The following BLOC1S5 variants were observed in gnomAD, a reference collection of about 807,000 sequenced individuals.
BLOC1S5 encodes the protein biogenesis of lysosomal organelles complex 1 subunit 5.
BLOC1S5 carries 27 observed loss-of-function variants against 24.3 expected under a neutral mutation model. The ratio of observed to expected loss-of-function variants is 1.11; its 90% CI spans 0.82 to 1.53. The LOEUF (loss-of-function observed/expected upper bound fraction) is 1.53. Ranked by LOEUF, BLOC1S5 falls within the 40% of genes most tolerant of loss-of-function variation. BLOC1S5 has a pLI of 0.00. For synonymous variants in BLOC1S5, 84 were observed against 74.5 expected, an observed-to-expected ratio of 1.13 and a Z score of -0.66; for missense variants, 239 against 229.4, an observed-to-expected ratio of 1.04 and a Z score of -0.27.
At chr6:8,044,300 A>AC (rs1313283045) in intron 2 of BLOC1S5, among the ~76,000 whole-genome samples, 1 of 151,266 alleles carries the variant, frequency 6.6e-6, no homozygotes, top group African/African-American at 2.4e-5. Context: ...AAAAAAAAAA[A>AC]AAAAGAAGGA....
Position 8,024,310 on chromosome 6 carries a change from G to A in BLOC1S5, c.384+2057C>T, listed in dbSNP as rs538579527. 2.5e-4 allele frequency among the ~76,000 whole-genome samples: 38 copies of A among 151,922 alleles called. 1 individual carries two copies. Among genetic ancestry groups the A allele is most frequent in the African/African-American group, 8.9e-4 (37 of 41,500 alleles). ...GGAGGCCGAGGCGGGTGGATCATCC[G>A]AGGTCAGGAGTTCGAGACCAGCCTG... On this transcript the variant is annotated intron_variant, in intron 4 of 4. Transcript: ENST00000397457.
Position 8,015,392 on chromosome 6 carries a change from G to C in BLOC1S5, c.*257C>G. 2 of 399,024 alleles carry C rather than the reference G, an allele frequency of 5.0e-6. No homozygotes were observed. The highest frequency in any genetic ancestry group is 1.1e-4 in the South Asian group (2 of 18,246). The allele number at this position is 399,024 out of a possible 1,614,324, so 24.7% of individuals were successfully genotyped here. ...AAGATGATCAATTCTGACTAACAAAGAGTATATTGATTCCATTTTCCTTCC... is the reference window on the plus strand; with the variant it reads ...AAGATGATCAATTCTGACTAACAAACAGTATATTGATTCCATTTTCCTTCC... On this transcript the variant is annotated 3_prime_UTR_variant, in exon 5 of 5. Coordinates refer to ENST00000397457, the MANE Select transcript of BLOC1S5 (RefSeq NM_201280.3).
intron 2 of BLOC1S5, among the ~76,000 whole-genome samples, chr6:8,055,448 A>G (rs1412083414): frequency 6.6e-6 from 1 of 152,204 alleles, no homozygotes; most frequent in African/African-American, 2.4e-5. Context: ...AATATATACA[A>G]TAAAATACTA....
chr6:8,039,055 A>G (rs908087063), intron 3 of BLOC1S5, among the ~76,000 whole-genome samples: 1 of 152,246 alleles, frequency 6.6e-6, no homozygotes, highest in African/African-American at 2.4e-5. Flanking sequence ...CTAAATTCCC[A>G]TGAATGGGTA....
At position 8,015,119 on chromosome 6, in the gene BLOC1S5, A is replaced by G. The variant is rs1037660897; in HGVS notation, c.*530T>C. ...GGCCATCTTTGCCACAGCAGAGACA[A>G]TGTGTTCACTCTCACCTCTCTGAAA... On this transcript the variant is annotated 3_prime_UTR_variant, in exon 5 of 5. Transcript: ENST00000397457. 6.6e-6 allele frequency: 1 copy of G among 152,142 alleles called. No individual in the cohort carries two copies. Among genetic ancestry groups the G allele is most frequent in the African/African-American group, 2.4e-5 (1 of 41,264 alleles). The allele number at this position is 152,142 out of a possible 1,614,324, so 9.4% of individuals were successfully genotyped here.
chr6:8,050,481 A>C (rs1764068797), intron 2 of BLOC1S5, among the ~76,000 whole-genome samples: 1 of 152,132 alleles, frequency 6.6e-6, no homozygotes, highest in African/African-American at 2.4e-5. Flanking sequence ...TAAATCTCTG[A>C]CTTTAATCCA....
intron 2 of BLOC1S5, among the ~76,000 whole-genome samples, chr6:8,047,695 A>G (rs1763955432): frequency 6.6e-6 from 1 of 152,144 alleles, no homozygotes; most frequent in Non-Finnish European, 1.5e-5. Context: ...ATGAATCCCC[A>G]TGGTGTAATT....
At position 8,015,730 on chromosome 6, in the gene BLOC1S5, T is replaced by C; in HGVS notation, c.483A>G (p.Glu161=). ...EQPNKRAEVD[E]EHRKAMERLK... is the part of the protein sequence containing the mutation. ...GCCTTTCCATGGCTTTTCTGTGCTC[T>C]TCATCCACTTCAGCCCTTTTGTTGG... is the stretch of plus-strand genomic sequence containing the variant. The change falls in exon 5 of 5, where the codon GAA becomes GAG. Residue 161 remains glutamate, a synonymous_variant. Coordinates refer to ENST00000397457, the MANE Select transcript of BLOC1S5 (RefSeq NM_201280.3). 1 of 1,614,204 alleles carries C rather than the reference T, an allele frequency of 6.2e-7. No homozygotes were observed. The highest frequency in any genetic ancestry group is 8.5e-7 in the Non-Finnish European group (1 of 1,180,022).
chr6:8,064,217 G>A (rs369196380), intron 1 of BLOC1S5, 48 bp downstream of exon 1: 75 of 1,495,514 alleles, frequency 5.0e-5, no homozygotes, highest in South Asian at 7.4e-5. Context: ...CCTGGGAGAT[G>A]AGGCTGTGCT....
chr6:8,045,104 TGG>T (rs1192297823), intron 2 of BLOC1S5, among the ~76,000 whole-genome samples: 1 of 152,180 alleles, frequency 6.6e-6, no homozygotes, highest in East Asian at 1.9e-4. Flanking sequence ...AAGTGGTTTG[TGG>T]GCTAGGTCCA....
In BLOC1S5 at chr6:8,015,336, T is replaced by C. The variant is rs976943359; in HGVS notation, c.*313A>G. The C allele has an allele frequency of 1.2e-4, 30 of 253,798 alleles. No individual in the cohort carries two copies. In the Admixed American group the frequency reaches 1.4e-3, roughly 12 times the overall value. 15.7% of individuals were successfully genotyped at this position (253,798 alleles called of 1,614,324 possible). On this transcript the variant is annotated 3_prime_UTR_variant, in exon 5 of 5. Coordinates refer to ENST00000397457, the MANE Select transcript of BLOC1S5 (RefSeq NM_201280.3). ...TGAAATTATCTTTCTAAGAAGTCTA[T>C]ACCTACAGTTCTCTGAGCTAATCAA... is the stretch of plus-strand genomic sequence containing the variant.
At chr6:8,017,134 C>A (rs1220447280) in intron 4 of BLOC1S5, among the ~76,000 whole-genome samples, 2 of 152,044 alleles carry the variant, frequency 1.3e-5, no homozygotes, top group Non-Finnish European at 2.9e-5. Flanking sequence ...TGAATACGTA[C>A]AATAAAAATC....
intron 4 of BLOC1S5, among the ~76,000 whole-genome samples, chr6:8,021,565 C>T (rs528666724): frequency 6.6e-6 from 1 of 152,150 alleles, no homozygotes; most frequent in East Asian, 1.9e-4. Flanking sequence ...CACCACTGCA[C>T]TCCACCCTGG....
intron 3 of BLOC1S5, among the ~76,000 whole-genome samples, chr6:8,037,814 A>G (rs1193049061): frequency 2.0e-5 from 3 of 152,210 alleles, no homozygotes; most frequent in South Asian, 2.1e-4. Context: ...TAACCCAGAT[A>G]TAAACTCACA....
At position 8,056,230 on chromosome 6, in the gene BLOC1S5, A is replaced by G. The variant is rs188529389; in HGVS notation, c.195+6304T>C. ...TGTTAGAGCATCACGCAACAGACTA[A>G]AACACCCATCAGGCTTCCCAGATCT... On this transcript the variant is annotated intron_variant, in intron 2 of 4. Transcript: ENST00000397457. 1.1e-3 allele frequency among the ~76,000 whole-genome samples: 171 copies of G among 152,280 alleles called. 1 individual carries two copies. The highest frequency in any genetic ancestry group is 3.9e-3 in the African/African-American group (163 of 41,550).
At chr6:8,059,826 C>T (rs1764453300) in intron 2 of BLOC1S5, among the ~76,000 whole-genome samples, 1 of 152,216 alleles carries the variant, frequency 6.6e-6, no homozygotes, top group Admixed American at 6.5e-5. Context: ...TCAAGAAAAG[C>T]AACTCAAACT....
At chr6:8,016,095 G>A (rs887649485) in intron 4 of BLOC1S5, among the ~76,000 whole-genome samples, 6 of 152,250 alleles carry the variant, frequency 3.9e-5, no homozygotes, top group African/African-American at 1.4e-4. Flanking sequence ...GGAGGCCGAA[G>A]CCGGTGGATC....
At chr6:8,027,900 A>G (rs1171150477) in intron 3 of BLOC1S5, among the ~76,000 whole-genome samples, 1 of 151,946 alleles carries the variant, frequency 6.6e-6, no homozygotes, top group East Asian at 1.9e-4. Context: ...TACTATCCCT[A>G]AAGAAAATCC....
Position 8,024,948 on chromosome 6 carries a change from G to T in BLOC1S5, c.384+1419C>A, listed in dbSNP as rs151085128. Among the ~76,000 whole-genome samples, 74 of 152,246 alleles carry T rather than the reference G, an allele frequency of 4.9e-4. 1 individual carries two copies. The East Asian group carries it at 0.013, about 26-fold the overall frequency. On this transcript the variant is annotated intron_variant, in intron 4 of 4. Transcript: ENST00000397457. ...CAACACCAGACATAAAAGAAGCCAG[G>T]TATTTCTTACCCAATCTGGTCATCT...
Sources: gnomAD v4.1 joint callset for allele counts (sites outside exome capture counted in the v4.1 genomes callset) on GRCh38, gnomAD v4.1.1 for gene constraint, MANE v1.5 for transcripts, NCBI Gene and HGNC (gene_info 2026-07-23, HGNC 2026-07-21) for gene names.